The following QSER1 variants were observed in gnomAD, a reference collection of about 807,000 sequenced individuals.
QSER1 encodes the protein glutamine and serine rich 1.
In QSER1, 49 loss-of-function variants were observed where a neutral mutation model predicts 158.5. The observed-to-expected ratio is 0.31, with a 90% CI of 0.25 to 0.39. QSER1 has a LOEUF of 0.39. QSER1 is among the 10% of genes least tolerant of loss of function. The pLI is 1.00. For synonymous variants in QSER1, 650 were observed against 715.5 expected, an observed-to-expected ratio of 0.91 and a Z score of 1.46; for missense variants, 1,754 against 2,010.3, an observed-to-expected ratio of 0.87 and a Z score of 2.44.
chr11:32,936,583 G>A (rs1852156328), intron 4 of QSER1, among the ~76,000 whole-genome samples: 1 of 152,136 alleles, frequency 6.6e-6, no homozygotes, highest in African/African-American at 2.4e-5. Flanking sequence ...GGAACTAGTA[G>A]CAATGTTGTG....
rs367592298 is a variant in QSER1, at chr11:32,944,601, T to C, written c.4177+9166T>C. On this transcript the variant is annotated intron_variant, in intron 4 of 12. Transcript: ENST00000650167. ...TTTGATTGCACTGTGGTCTGAGAGA[T>C]AGTTTGTTATAATTTCTGTTCTTTT... is the stretch of plus-strand genomic sequence containing the variant. 1.7e-4 allele frequency among the ~76,000 whole-genome samples: 26 copies of C among 150,604 alleles called. No homozygotes were observed. The East Asian group carries it at 4.3e-3, about 25-fold the overall frequency.
At chr11:32,976,122 G>T (rs1465914415) in intron 12 of QSER1, among the ~76,000 whole-genome samples, 1 of 152,140 alleles carries the variant, frequency 6.6e-6, no homozygotes. Flanking sequence ...TAACGTAATT[G>T]GAAGAAATGG....
At chr11:32,954,288 T>C in intron 5 of QSER1, 109 bp downstream of exon 5, 7 of 1,264,012 alleles carry the variant, frequency 5.5e-6, no homozygotes, top group Non-Finnish European at 7.5e-6. Flanking sequence ...TGGGAAGTTT[T>C]ATGCATTATA....
intron 1 of QSER1, among the ~76,000 whole-genome samples, chr11:32,913,993 G>C (rs374148778): frequency 2.0e-5 from 3 of 152,138 alleles, no homozygotes; most frequent in East Asian, 3.8e-4. Flanking sequence ...AATAAGAGCT[G>C]ATTATTCTTA....
chr11:32,903,657 A>G lies in QSER1; in HGVS notation c.209+10323A>G, dbSNP rs187482564. ...AGTCTTGCTCTGTCGCCCAGGCTGG[A>G]GTACAGTGGCGCGATCTCAGCTTGC... On this transcript the variant is annotated intron_variant, in intron 1 of 12. Transcript: ENST00000650167. Among the ~76,000 whole-genome samples the G allele has an allele frequency of 2.5e-3, 385 of 152,070 alleles. 5 individuals carry two copies. The highest frequency in any genetic ancestry group is 9.1e-3 in the African/African-American group (376 of 41,462).
chr11:32,974,260 TG>T (rs1156502939), intron 11 of QSER1, among the ~76,000 whole-genome samples: 3 of 151,716 alleles, frequency 2.0e-5, no homozygotes, highest in Non-Finnish European at 4.4e-5. Flanking sequence ...ATGTCTACCC[TG>T]GGGGGAGAAA....
intron 8 of QSER1, among the ~76,000 whole-genome samples, chr11:32,963,782 TCCC>T (rs1334541514): frequency 6.6e-6 from 1 of 152,114 alleles, no homozygotes; most frequent in African/African-American, 2.4e-5. Context: ...CTCACCTCGG[TCCC>T]CCAAGTAGCT....
intron 10 of QSER1, among the ~76,000 whole-genome samples, chr11:32,970,459 T>TAGTG (rs1852831447): frequency 6.6e-6 from 1 of 152,150 alleles, no homozygotes; most frequent in African/African-American, 2.4e-5. Context: ...GGCTGGAGTC[T>TAGTG]AGTGGTGTGA....
At chr11:32,973,324 A>C (rs1462781541) in intron 10 of QSER1, 73 bp from the exon 11 acceptor site, 7 of 1,512,034 alleles carry the variant, frequency 4.6e-6, no homozygotes, top group Non-Finnish European at 6.4e-6. Context: ...CACACTTCTA[A>C]ATTTTAGATA....
Position 32,933,013 on chromosome 11 carries a change from T to C in QSER1, c.1755T>C (p.Leu585=). 6.2e-7 allele frequency: 1 copy of C among 1,612,386 alleles called. No homozygotes were observed. The highest frequency in any genetic ancestry group is 8.5e-7 in the Non-Finnish European group (1 of 1,179,994). Residue 585 remains leucine (L), a synonymous_variant, in exon 4 of 13, where the codon CTT becomes CTC. Coordinates refer to ENST00000650167, the MANE Select transcript of QSER1 (RefSeq NM_001076786.3). ...SQSQVLSVVS[L]SESYASGESL... ...CACAAGTTTTGTCAGTTGTTAGTCT[T>C]TCAGAAAGCTATGCTTCAGGGGAGT...
chr11:32,935,181 C>T lies in QSER1; in HGVS notation c.3923C>T (p.Pro1308Leu). 6.2e-7 allele frequency: 1 copy of T among 1,614,032 alleles called. No homozygotes were observed. Among genetic ancestry groups the T allele is most frequent in the South Asian group, 1.1e-5 (1 of 91,074 alleles). ...CGAATGCCTAACAGGACTAGACGGC[C>T]AGGGACCCAGATGGTTCGTACATTT... ...AVRMPNRTRR[P>L]GTQMVRTFCP... is the part of the protein sequence containing the mutation. The change falls in exon 4 of 13, where the codon CCA (proline) becomes CTA (leucine). Residue 1308 changes from proline (P) to leucine (L), a missense_variant. Pro to Leu is a moderately conservative substitution (Grantham distance 98). Transcript: ENST00000650167.
chr11:32,952,620 A>G (rs1444644492), intron 4 of QSER1, among the ~76,000 whole-genome samples: 3 of 152,120 alleles, frequency 2.0e-5, no homozygotes, highest in Middle Eastern at 3.2e-3. Flanking sequence ...TCACAGAATG[A>G]GTTGGGAAGT....
chr11:32,935,488 C>A (rs1852139293), intron 4 of QSER1, 53 bp downstream of exon 4: 2 of 1,314,012 alleles, frequency 1.5e-6, no homozygotes, highest in African/African-American at 1.5e-5. Flanking sequence ...ATTTTTCCAG[C>A]TATAGCCCAC....
chr11:32,904,305 G>C (rs1422681562), intron 1 of QSER1, among the ~76,000 whole-genome samples: 1 of 151,002 alleles, frequency 6.6e-6, no homozygotes, highest in Non-Finnish European at 1.5e-5. Context: ...CGATTCTCCT[G>C]CCTTGGCCTC....
In QSER1 at chr11:32,932,387, G is replaced by A. The variant is rs1301355215; in HGVS notation, c.1129G>A (p.Gly377Arg). ...AGATTCCACTCAGGTGAGCAACGGA[G>A]GATTACAACAGAAGACCTCCCAGGT... ...IGDSTQVSNGGLQQKTSQVSV... is the reference protein window; with the variant it reads ...IGDSTQVSNGRLQQKTSQVSV... The change falls in exon 4 of 13, where the codon GGA becomes AGA. Residue 377 changes from glycine (G) to arginine (R), a missense_variant. This residue lies in a region of QSER1 where 1,707 missense variants were observed against 1,919.6 expected (regional missense o/e 0.89). Coordinates refer to ENST00000650167, the MANE Select transcript of QSER1 (RefSeq NM_001076786.3). 7.4e-6 allele frequency: 12 copies of A among 1,612,362 alleles called. No individual in the cohort carries two copies. Among genetic ancestry groups the A allele is most frequent in the Non-Finnish European group, 1.0e-5 (12 of 1,180,000 alleles).
At chr11:32,915,222 G>A (rs188727106) in intron 1 of QSER1, among the ~76,000 whole-genome samples, 7 of 152,222 alleles carry the variant, frequency 4.6e-5, no homozygotes, top group Admixed American at 2.6e-4. Flanking sequence ...TTGGTTATTT[G>A]AGAAAATTAT....
chr11:32,978,604 T>C lies in QSER1; in HGVS notation c.*2130T>C, dbSNP rs1440043409. 6.6e-6 allele frequency: 1 copy of C among 152,252 alleles called. No individual in the cohort carries two copies. Among genetic ancestry groups the C allele is most frequent in the Non-Finnish European group, 1.5e-5 (1 of 68,048 alleles). 9.4% of individuals were successfully genotyped at this position (152,252 alleles called of 1,614,324 possible). On this transcript the variant is annotated 3_prime_UTR_variant, in exon 13 of 13. Coordinates refer to ENST00000650167, the MANE Select transcript of QSER1 (RefSeq NM_001076786.3). The stretch of plus-strand genomic sequence containing the variant: ...AAAGATGTTTCCTTAAGATGAATCT[T>C]ACATTTCCCATAGAAAATAACCCAT...
chr11:32,951,267 A>C (rs1233261507), intron 4 of QSER1, among the ~76,000 whole-genome samples: 1 of 152,116 alleles, frequency 6.6e-6, no homozygotes, highest in East Asian at 1.9e-4. Flanking sequence ...TTCTTTCTGA[A>C]CTTTCATTCT....
rs1853041353 is a variant in QSER1, at chr11:32,979,839, C to T, written c.*3365C>T. The T allele has an allele frequency of 6.6e-6, 1 of 152,210 alleles. No homozygotes were observed. The highest frequency in any genetic ancestry group is 2.1e-4 in the South Asian group (1 of 4,822). 9.4% of individuals were successfully genotyped at this position (152,210 alleles called of 1,614,324 possible). Reference sequence around the variant, plus strand: ...AGCAGGGTTATTGAAGCAGCTTTCTCAAATGTTGCTTCAGATGTGCAAGTT... The same window carrying T: ...AGCAGGGTTATTGAAGCAGCTTTCTTAAATGTTGCTTCAGATGTGCAAGTT... On this transcript the variant is annotated 3_prime_UTR_variant, in exon 13 of 13. Coordinates refer to ENST00000650167, the MANE Select transcript of QSER1 (RefSeq NM_001076786.3).
Sources: allele counts gnomAD v4.1 joint callset (sites outside exome capture counted in the v4.1 genomes callset), GRCh38; gene constraint gnomAD v4.1.1; regional missense constraint gnomAD v4.1.1; transcripts MANE v1.5; gene names NCBI Gene and HGNC (gene_info 2026-07-23, HGNC 2026-07-21).